TM6SF2: variants seen among roughly 807,000 people sequenced by gnomAD.
The protein encoded by TM6SF2 is transmembrane 6 superfamily member 2.
In TM6SF2, 29 loss-of-function variants were observed where a neutral mutation model predicts 41.0. That is an observed-to-expected ratio of 0.71 (90% CI 0.53 to 0.96). The LOEUF (loss-of-function observed/expected upper bound fraction) is 0.96, where lower values mean the gene tolerates loss of function less well. Ranked by LOEUF, TM6SF2 falls within the 50% of genes least tolerant of loss-of-function variation. TM6SF2 has a pLI of 0.00. For missense variants in TM6SF2, 475 were observed against 499.0 expected, an observed-to-expected ratio of 0.95 and a Z score of 0.46; for synonymous variants, 200 against 209.1, an observed-to-expected ratio of 0.96 and a Z score of 0.37.
At chr19:19,273,061 T>TACCC in intron 1 of TM6SF2, 60 bp downstream of exon 1, 1 of 305,468 alleles carries the variant, frequency 3.3e-6, no homozygotes, top group Non-Finnish European at 6.1e-6. Flanking sequence ...CCTCCAGTCC[T>TACCC]CCCCGCCCCC....
chr19:19,268,506 C>T, intron 6 of TM6SF2, 124 bp downstream of exon 6: 2 of 1,389,748 alleles, frequency 1.4e-6, no homozygotes, highest in Non-Finnish European at 1.9e-6. Flanking sequence ...CCGCACCCAG[C>T]CCTCCCTTCT....
chr19:19,272,037 C>T (rs1399364087), intron 1 of TM6SF2, among the ~76,000 whole-genome samples: 1 of 152,172 alleles, frequency 6.6e-6, no homozygotes, highest in Non-Finnish European at 1.5e-5. Flanking sequence ...CTCCACCCTA[C>T]CCCTGCCCTG....
At position 19,267,629 on chromosome 19, in the gene TM6SF2, TAGGGTA is replaced by T; in HGVS notation, c.790_795del (p.Tyr264_Pro265del). Reference sequence around the variant, plus strand: ...CCCCGCTCCCCTCTCACCTGCACCTTAGGGTAGGCCACAGGGTCCCGCAGGTATGGC... The same window carrying T: ...CCCCGCTCCCCTCTCACCTGCACCTTGGCCACAGGGTCCCGCAGGTATGGC... On this transcript the variant is annotated inframe_deletion, in exon 8 of 10. Transcript: ENST00000389363. 1 of 1,612,938 alleles carries T rather than the reference TAGGGTA, an allele frequency of 6.2e-7. No individual in the cohort carries two copies. Among genetic ancestry groups the T allele is most frequent in the East Asian group, 2.2e-5 (1 of 44,820 alleles).
intron 9 of TM6SF2, 95 bp downstream of exon 9, chr19:19,266,395 A>C: frequency 2.0e-6 from 3 of 1,538,184 alleles, no homozygotes; most frequent in Non-Finnish European, 2.6e-6. Context: ...TTGGGGGCTC[A>C]TCATTACAGT....
rs1555786937 is a variant in TM6SF2 at position 19,272,728 on chromosome 19, T to TGTGTGTGAGA, written c.95+392_95+393insTCTCACACAC. Among the ~76,000 whole-genome samples the TGTGTGTGAGA allele has an allele frequency of 3.5e-3, 528 of 149,836 alleles. 3 individuals are homozygous for TGTGTGTGAGA. The highest frequency in any genetic ancestry group is 0.012 in the African/African-American group (505 of 40,436). ...GTGTGTGTGTGTGTGTGTGTGTGTG[T>TGTGTGTGAGA]GAGCAGGAGTCAGGTACCCGGGGCC... On this transcript the variant is annotated intron_variant, in intron 1 of 9. Transcript: ENST00000389363.
At chr19:19,273,092 A>T in intron 1 of TM6SF2, 29 bp downstream of exon 1, 1 of 373,480 alleles carries the variant, frequency 2.7e-6, no homozygotes, top group Non-Finnish European at 3.8e-6. Flanking sequence ...ACTGTCCCCA[A>T]GGCCGCCCTG....
intron 1 of TM6SF2, among the ~76,000 whole-genome samples, chr19:19,272,235 C>T (rs2061026517): frequency 6.6e-6 from 1 of 152,192 alleles, no homozygotes; most frequent in Non-Finnish European, 1.5e-5. Flanking sequence ...CTCATGATCC[C>T]CTCAGAACCC....
intron 5 of TM6SF2, among the ~76,000 whole-genome samples, chr19:19,269,152 C>A (rs546295489): frequency 6.6e-6 from 1 of 152,146 alleles, no homozygotes; most frequent in East Asian, 1.9e-4. Flanking sequence ...TTCAGAAATA[C>A]CATCCTCATT....
chr19:19,273,061 T>TGCCCCCCCCCCCCCCCCCCCCCCCCCC, intron 1 of TM6SF2, 60 bp downstream of exon 1: 2 of 305,470 alleles, frequency 6.5e-6, no homozygotes, highest in Non-Finnish European at 1.2e-5. Flanking sequence ...CCTCCAGTCC[T>TGCCCCCCCCCCCCCCCCCCCCCCCCCC]CCCCGCCCCC....
At position 19,268,769 on chromosome 19, in the gene TM6SF2, G is replaced by A. The variant is rs528780612; in HGVS notation, c.485-15C>T. 2.5e-6 allele frequency: 4 copies of A among 1,582,752 alleles called. No individual in the cohort carries two copies. Among genetic ancestry groups the A allele is most frequent in the Non-Finnish European group, 3.4e-6 (4 of 1,168,846 alleles). On this transcript the variant is annotated splice_polypyrimidine_tract_variant and intron_variant, in intron 5 of 9. Transcript: ENST00000389363. ...GCTGTATTTGCCTTCCATGGTGCAG[G>A]AGAGAGGGCATCAGCCATGCCAGAA...
intron 8 of TM6SF2, 103 bp downstream of exon 8, chr19:19,267,518 G>C: frequency 1.2e-6 from 1 of 821,046 alleles, no homozygotes; most frequent in Non-Finnish European, 1.9e-6. Context: ...ATTCCATATG[G>C]GCTTCTGCCT....
At chr19:19,272,100 A>C (rs2061026143) in intron 1 of TM6SF2, among the ~76,000 whole-genome samples, 1 of 152,190 alleles carries the variant, frequency 6.6e-6, no homozygotes, top group South Asian at 2.1e-4. Flanking sequence ...AGATAACAGA[A>C]GCCAGGTCTC....
rs547862559 is a variant in TM6SF2, at chr19:19,264,457, G to T, written c.*207C>A. 54 of 414,438 alleles carry T rather than the reference G, an allele frequency of 1.3e-4. No homozygotes were observed. Among genetic ancestry groups the T allele is most frequent in the Admixed American group, 4.4e-4 (10 of 22,574 alleles). The allele number at this position is 414,438 out of a possible 1,614,324, so 25.7% of individuals were successfully genotyped here. A position where few individuals can be genotyped will look rare whatever the true frequency, so the allele number is the denominator to read the frequency against. On this transcript the variant is annotated 3_prime_UTR_variant, in exon 10 of 10. Coordinates refer to ENST00000389363, the MANE Select transcript of TM6SF2 (RefSeq NM_001001524.3). ...GGTAGAAGCGTTTGTGTGGGAGTTGGAGCATGGTGACAGCTGTGGGAGGCT... is the reference window on the plus strand; with the variant it reads ...GGTAGAAGCGTTTGTGTGGGAGTTGTAGCATGGTGACAGCTGTGGGAGGCT...
chr19:19,272,747 C>T (rs1325617026), intron 1 of TM6SF2, among the ~76,000 whole-genome samples: 1 of 149,320 alleles, frequency 6.7e-6, no homozygotes, highest in Non-Finnish European at 1.5e-5. Context: ...GTCAGGTACC[C>T]GGGGCCTTAT....
chr19:19,266,125 G>A (rs2061002260), intron 9 of TM6SF2, among the ~76,000 whole-genome samples: 1 of 152,042 alleles, frequency 6.6e-6, no homozygotes, highest in African/African-American at 2.4e-5. Flanking sequence ...CTTTACCTGG[G>A]TTATGGCCCT....
chr19:19,270,160 C>T lies in TM6SF2; in HGVS notation c.401+13G>A, dbSNP rs2061017833. The T allele has an allele frequency of 6.2e-7, 1 of 1,613,692 alleles. No homozygotes were observed. On this transcript the variant is annotated intron_variant, in intron 4 of 9. Transcript: ENST00000389363. The stretch of plus-strand genomic sequence containing the variant: ...CCCAGGGTCAGGGGCCACCCTCTCC[C>T]TGCCTCCTGCACCTTCTGCAGATGG...
chr19:19,269,828 G>T (rs2061016401), intron 4 of TM6SF2, 59 bp from the exon 5 acceptor site: 2 of 1,611,710 alleles, frequency 1.2e-6, no homozygotes, highest in Admixed American at 1.7e-5. Flanking sequence ...CAGAGCCCCA[G>T]CCAGGGCCTG....
intron 4 of TM6SF2, 168 bp from the exon 5 acceptor site, chr19:19,269,937 C>T (rs1321412256): frequency 6.7e-7 from 1 of 1,496,056 alleles, no homozygotes; most frequent in Non-Finnish European, 8.9e-7. Context: ...GTGAGACCCT[C>T]TGTCCAAGAA....
At chr19:19,267,917 G>A in intron 7 of TM6SF2, 69 bp downstream of exon 7, 1 of 1,267,462 alleles carries the variant, frequency 7.9e-7, no homozygotes, top group Non-Finnish European at 1.1e-6. Flanking sequence ...GAAGGGCAGT[G>A]TGGGAGAGGT....
Sources: gnomAD v4.1 joint callset for allele counts (sites outside exome capture counted in the v4.1 genomes callset) on GRCh38, gnomAD v4.1.1 for gene constraint, MANE v1.5 for transcripts, NCBI Gene and HGNC (gene_info 2026-07-23, HGNC 2026-07-21) for gene names.